Variants in SPATC1L observed in about 807,000 individuals in gnomAD.
SPATC1L encodes the protein spermatogenesis and centriole associated 1 like, also known as speriolin-like protein.
A neutral mutation model predicts 21.2 loss-of-function variants in SPATC1L; 20 were observed. The ratio of observed to expected loss-of-function variants is 0.94; its 90% CI spans 0.66 to 1.37. The LOEUF (loss-of-function observed/expected upper bound fraction) is 1.37, where lower values mean the gene tolerates loss of function less well. Ranked by LOEUF, SPATC1L falls within the 40% of genes most tolerant of loss-of-function variation. The probability of loss-of-function intolerance (pLI) is 0.00; values close to 1 mark genes in which losing one functional copy is unlikely to be tolerated. For missense variants in SPATC1L, 499 were observed against 478.7 expected (o/e 1.04, Z -0.40); for synonymous variants, 290 against 234.5 (o/e 1.24, Z -2.16).
intron 3 of SPATC1L, among the ~76,000 whole-genome samples, chr21:46,165,792 T>C (rs1440817829): frequency 6.6e-6 from 1 of 152,206 alleles, no homozygotes; most frequent in Non-Finnish European, 1.5e-5. Context: ...TTCCTCTGGG[T>C]TGATCCTCAC....
At chr21:46,177,668 G>C (rs1172856799) in intron 2 of SPATC1L, among the ~76,000 whole-genome samples, 1 of 152,226 alleles carries the variant, frequency 6.6e-6, no homozygotes, top group African/African-American at 2.4e-5. Context: ...GCATAAATTA[G>C]TTCAGCCATT....
At position 46,168,311 on chromosome 21, in the gene SPATC1L, T is replaced by G; in HGVS notation, c.541A>C (p.Asn181His). The G allele has an allele frequency of 1.3e-6, 2 of 1,572,984 alleles. No homozygotes were observed. Among genetic ancestry groups the G allele is most frequent in the Non-Finnish European group, 1.7e-6 (2 of 1,150,476 alleles). ...GTGCCCCCGCACCCGGCCATACCAT[T>G]GAGGTAGTAGCTCCTCCTGGTCCTG... The part of the protein sequence containing the change: ...GDRTRRSYYL[N>H]EIQSFAGAEK... Residue 181 changes from asparagine to histidine, a missense_variant, in exon 3 of 5, where the codon AAT (asparagine) becomes CAT (histidine). Coordinates refer to ENST00000291672, the MANE Select transcript of SPATC1L (RefSeq NM_001142854.2).
At position 46,161,929 on chromosome 21, in the gene SPATC1L, T is replaced by TCGGGGATGTTGGC; in HGVS notation, c.670_682dup (p.Glu228GlyfsTer?). On this transcript the variant is annotated frameshift_variant, in exon 4 of 5. Coordinates refer to ENST00000291672, the MANE Select transcript of SPATC1L (RefSeq NM_001142854.2). LOFTEE classifies it low-confidence loss of function (END_TRUNC). Reference sequence around the variant, plus strand: ...CACGGGGCGCACCTGCTCGATCTTCTCGGGGATGTTGGCCACCGTGAAGCC... The same window carrying TCGGGGATGTTGGC: ...CACGGGGCGCACCTGCTCGATCTTCTCGGGGATGTTGGCCGGGGATGTTGGCCACCGTGAAGCC... The TCGGGGATGTTGGC allele has an allele frequency of 6.2e-7, 1 of 1,606,954 alleles. No individual in the cohort carries two copies. Among genetic ancestry groups the TCGGGGATGTTGGC allele is most frequent in the Non-Finnish European group, 8.5e-7 (1 of 1,179,310 alleles).
intron 3 of SPATC1L, among the ~76,000 whole-genome samples, chr21:46,167,861 A>C (rs867553236): frequency 1.2e-4 from 18 of 152,242 alleles, no homozygotes; most frequent in African/African-American, 4.3e-4. Context: ...AACAACACAC[A>C]GGAGAGAATC....
At chr21:46,173,098 C>T (rs1475313705) in intron 2 of SPATC1L, among the ~76,000 whole-genome samples, 4 of 152,154 alleles carry the variant, frequency 2.6e-5, no homozygotes, top group Non-Finnish European at 5.9e-5. Flanking sequence ...CAGGGACGGC[C>T]GTCCCCCAGG....
In SPATC1L at chr21:46,177,725, C is replaced by T. The variant is rs539734891; in HGVS notation, c.193+4899G>A. ...CCTCGAAGACCTAAAAACAGAAATACCATTCAACCCAGCAATTCCATTACT... is the reference window on the plus strand; with the variant it reads ...CCTCGAAGACCTAAAAACAGAAATATCATTCAACCCAGCAATTCCATTACT... On this transcript the variant is annotated intron_variant, in intron 2 of 4. Coordinates refer to ENST00000291672, the MANE Select transcript of SPATC1L (RefSeq NM_001142854.2). Among the ~76,000 whole-genome samples, 11 of 152,302 alleles carry T rather than the reference C, an allele frequency of 7.2e-5. No homozygotes were observed. The South Asian group carries it at 2.3e-3, about 32-fold the overall frequency.
intron 2 of SPATC1L, among the ~76,000 whole-genome samples, chr21:46,179,018 T>C (rs111998926): frequency 0.17 from 25,049 of 151,442 alleles, 2,254 homozygotes; most frequent in South Asian, 0.27. Flanking sequence ...GTGGGAGAAT[T>C]GCTTGAGCCC....
intron 3 of SPATC1L, among the ~76,000 whole-genome samples, chr21:46,165,220 T>C (rs2079531815): frequency 1.3e-5 from 2 of 152,248 alleles, no homozygotes; most frequent in African/African-American, 4.8e-5. Flanking sequence ...GCCTTATATC[T>C]GATAACCTTA....
Position 46,178,382 on chromosome 21 carries a change from C to T in SPATC1L, c.193+4242G>A, listed in dbSNP as rs535777839. Among the ~76,000 whole-genome samples, 5 of 151,956 alleles carry T rather than the reference C, an allele frequency of 3.3e-5. No individual in the cohort carries two copies. The East Asian group carries it at 5.8e-4, about 18-fold the overall frequency. ...TTACTTATAAGTGGGAGCTAAACAACGAGAACACGTGGACACATAGAGGGG... is the reference window on the plus strand; with the variant it reads ...TTACTTATAAGTGGGAGCTAAACAATGAGAACACGTGGACACATAGAGGGG... On this transcript the variant is annotated intron_variant, in intron 2 of 4. Transcript: ENST00000291672.
rs2330407 is a variant in SPATC1L at position 46,182,993 on chromosome 21, C to T, written c.-177G>A. ...AGGTGCCCAGCACCCTGCCTGCCCC[C>T]GCGATGGCTCATGGCCCCGTTGAGG... On this transcript the variant is annotated 5_prime_UTR_variant, in exon 2 of 5. Transcript: ENST00000291672. 396,645 of 641,178 alleles carry T rather than the reference C, an allele frequency of 0.62. 126,681 individuals carry two copies. Among genetic ancestry groups the T allele is most frequent in the East Asian group, 0.91 (28,024 of 30,930 alleles). 39.7% of individuals were successfully genotyped at this position (641,178 alleles called of 1,614,324 possible).
Position 46,183,122 on chromosome 21 carries a change from G to A in SPATC1L, c.-306C>T. Reference sequence around the variant, plus strand: ...TAGGCAGCTACGGGATGTAGCGACTGTACTCCAAGAGGGGCGTCCAAGCCA... The same window carrying A: ...TAGGCAGCTACGGGATGTAGCGACTATACTCCAAGAGGGGCGTCCAAGCCA... On this transcript the variant is annotated 5_prime_UTR_variant, in exon 2 of 5. It introduces an in-frame stop codon into an upstream open reading frame of the 5' UTR. Transcript: ENST00000291672. 2.5e-6 allele frequency: 1 copy of A among 405,224 alleles called. No individual in the cohort carries two copies. The highest frequency in any genetic ancestry group is 5.2e-5 in the South Asian group (1 of 19,084). 25.1% of individuals were successfully genotyped at this position (405,224 alleles called of 1,614,324 possible).
chr21:46,182,827 TC>T lies in SPATC1L; in HGVS notation c.-12del. 1 of 1,507,910 alleles carries T rather than the reference TC, an allele frequency of 6.6e-7. No homozygotes were observed. 93.4% of individuals were successfully genotyped at this position (1,507,910 alleles called of 1,614,324 possible). A position where few individuals can be genotyped will look rare whatever the true frequency, so the allele number is the denominator to read the frequency against. On this transcript the variant is annotated 5_prime_UTR_variant, in exon 2 of 5. Transcript: ENST00000291672. Reference sequence around the variant, plus strand: ...GCCGCCTTCAGCCATGGCGGGTGCGTCCCTCCTTGTCCCTCACGGCTCCTGC... The same window carrying T: ...GCCGCCTTCAGCCATGGCGGGTGCGTCCTCCTTGTCCCTCACGGCTCCTGC...
At chr21:46,179,326 C>G (rs897621246) in intron 2 of SPATC1L, among the ~76,000 whole-genome samples, 1 of 151,888 alleles carries the variant, frequency 6.6e-6, no homozygotes, top group Non-Finnish European at 1.5e-5. Flanking sequence ...CAGAAGGATC[C>G]CTTAAGCCCA....
intron 2 of SPATC1L, among the ~76,000 whole-genome samples, chr21:46,172,903 G>A (rs73144714): frequency 0.088 from 13,337 of 152,256 alleles, 706 homozygotes; most frequent in African/African-American, 0.13. Flanking sequence ...AACAGCTCTG[G>A]GGAAATGGGG....
At chr21:46,168,063 C>A (rs1226770991) in intron 3 of SPATC1L, among the ~76,000 whole-genome samples, 1 of 152,150 alleles carries the variant, frequency 6.6e-6, no homozygotes, top group Non-Finnish European at 1.5e-5. Context: ...GGACTCATAT[C>A]CAGACACATA....
chr21:46,161,801 C>G, intron 4 of SPATC1L, 96 bp from the exon 5 acceptor site: 1 of 1,493,216 alleles, frequency 6.7e-7, no homozygotes, highest in Admixed American at 2.1e-5. Context: ...CCGCCTGGGT[C>G]CCCGGGGTCC....
intron 2 of SPATC1L, among the ~76,000 whole-genome samples, chr21:46,172,135 G>A (rs2330402): frequency 0.018 from 269 of 14,564 alleles, 8 homozygotes; most frequent in East Asian, 0.16. Flanking sequence ...TGCACAGAGT[G>A]TGAGGTGGGG....
chr21:46,161,298 G>A lies in SPATC1L; in HGVS notation c.*81C>T, dbSNP rs118185461. 0.082 allele frequency: 107,651 copies of A among 1,313,912 alleles called. 5,029 individuals are homozygous for A. Among genetic ancestry groups the A allele is most frequent in the Non-Finnish European group, 0.094 (94,755 of 1,004,066 alleles). 81.4% of individuals were successfully genotyped at this position (1,313,912 alleles called of 1,614,324 possible). A position where few individuals can be genotyped will look rare whatever the true frequency, so the allele number is the denominator to read the frequency against. ...CGGGGGACGCGGCCCTTTCCCCTCC[G>A]GGGGGACGCGCAGGAGGCACCGCGG... On this transcript the variant is annotated 3_prime_UTR_variant, in exon 5 of 5. Transcript: ENST00000291672.
At chr21:46,164,322 T>G (rs2079524782) in intron 3 of SPATC1L, among the ~76,000 whole-genome samples, 1 of 151,628 alleles carries the variant, frequency 6.6e-6, no homozygotes, top group Non-Finnish European at 1.5e-5. Flanking sequence ...CATTTATGTC[T>G]TCTTTCATTC....
Sources: allele counts gnomAD v4.1 joint callset (sites outside exome capture counted in the v4.1 genomes callset), GRCh38; gene constraint gnomAD v4.1.1; transcripts MANE v1.5; gene names NCBI Gene and HGNC (gene_info 2026-07-23, HGNC 2026-07-21).